GHR: variants seen among roughly 807,000 people sequenced by gnomAD.
GHR encodes the protein growth hormone receptor, also known as GH receptor.
GHR carries 35 observed loss-of-function variants against 67.1 expected under a neutral mutation model. The ratio of observed to expected loss-of-function variants is 0.52; its 90% CI spans 0.40 to 0.69. The LOEUF (loss-of-function observed/expected upper bound fraction) is 0.69. GHR is among the 30% of genes least tolerant of loss of function. GHR has a pLI of 0.00. For missense variants in GHR, 792 were observed against 764.6 expected, an observed-to-expected ratio of 1.04 and a Z score of -0.42; for synonymous variants, 272 against 269.1, an observed-to-expected ratio of 1.01 and a Z score of -0.10.
At chr5:42,474,317 G>GAAAGAAAGAAAGAAAGAA (rs1554054616) in intron 1 of GHR, among the ~76,000 whole-genome samples, 2 of 138,852 alleles carry the variant, frequency 1.4e-5, no homozygotes, top group Admixed American at 1.4e-4. Context: ...AAGAAAGAAA[G>GAAAGAAAGAAAGAAAGAA]AAAGAAAGAA....
chr5:42,539,621 T>A (rs1443040169), intron 1 of GHR, among the ~76,000 whole-genome samples: 1 of 152,218 alleles, frequency 6.6e-6, no homozygotes, highest in East Asian at 1.9e-4. Context: ...CCTCTCGGGA[T>A]TCCTGTTTCA....
intron 1 of GHR, among the ~76,000 whole-genome samples, chr5:42,444,640 T>C (rs1743729940): frequency 6.6e-6 from 1 of 152,182 alleles, no homozygotes; most frequent in African/African-American, 2.4e-5. Context: ...CAACCTATCT[T>C]TCCATGTGTA....
chr5:42,473,883 A>T (rs1257549730), intron 1 of GHR, among the ~76,000 whole-genome samples: 1 of 151,544 alleles, frequency 6.6e-6, no homozygotes, highest in African/African-American at 2.4e-5. Context: ...CAAAAAAAAA[A>T]AAAAAAAGAA....
intron 3 of GHR, among the ~76,000 whole-genome samples, chr5:42,657,285 G>GA (rs1755304395): frequency 6.6e-6 from 1 of 152,104 alleles, no homozygotes; most frequent in Admixed American, 6.6e-5. Context: ...TATCTAAAAT[G>GA]AAATGGTAGG....
chr5:42,709,384 C>CT (rs1223009026), intron 6 of GHR, among the ~76,000 whole-genome samples: 2 of 152,228 alleles, frequency 1.3e-5, no homozygotes, highest in Non-Finnish European at 2.9e-5. Flanking sequence ...CTCAGGTCAT[C>CT]TGCCAACCTC....
In GHR at chr5:42,562,104, C is replaced by T. The variant is rs376106705; in HGVS notation, c.-11-3760C>T. ...ATTAAAGTTCCAAACTTCATGTGTC[C>T]GCACTCTGACGTTTCCTAGGGACAT... On this transcript the variant is annotated intron_variant, in intron 1 of 9. Coordinates refer to ENST00000230882, the MANE Select transcript of GHR (RefSeq NM_000163.5). 3.9e-5 allele frequency among the ~76,000 whole-genome samples: 6 copies of T among 152,208 alleles called. No individual in the cohort carries two copies. In the East Asian group the frequency reaches 9.6e-4, roughly 24 times the overall value.
intron 1 of GHR, among the ~76,000 whole-genome samples, chr5:42,509,403 C>A (rs894839530): frequency 1.3e-5 from 2 of 152,194 alleles, no homozygotes; most frequent in African/African-American, 4.8e-5. Flanking sequence ...ACTTCTCATA[C>A]CCTAACTCTG....
intron 1 of GHR, among the ~76,000 whole-genome samples, chr5:42,462,503 A>C (rs1160213400): frequency 6.6e-6 from 1 of 152,236 alleles, no homozygotes; most frequent in Non-Finnish European, 1.5e-5. Flanking sequence ...CCACTTTGTC[A>C]TAATATGTAA....
chr5:42,610,666 GAAA>G (rs112288959), intron 2 of GHR, among the ~76,000 whole-genome samples: 1 of 142,820 alleles, frequency 7.0e-6, no homozygotes, highest in Non-Finnish European at 1.5e-5. Context: ...AATCCCAGTG[GAAA>G]AAAAAAAAGG....
intron 2 of GHR, among the ~76,000 whole-genome samples, chr5:42,623,334 G>T (rs78139434): frequency 1.3e-5 from 2 of 151,964 alleles, no homozygotes; most frequent in Admixed American, 1.3e-4. Flanking sequence ...ACTGTGAGGC[G>T]CTCCACCCCA....
intron 1 of GHR, chr5:42,466,002 C>A (rs765010762): frequency 3.4e-6 from 2 of 589,992 alleles, no homozygotes; most frequent in East Asian, 3.0e-5. Flanking sequence ...TGTCTTATTC[C>A]TTCTTCTTTT....
chr5:42,679,566 A>G (rs1444141447), intron 3 of GHR, among the ~76,000 whole-genome samples: 1 of 151,978 alleles, frequency 6.6e-6, no homozygotes, highest in East Asian at 1.9e-4. Flanking sequence ...TGGAGGTTGC[A>G]GTGAGCCGAG....
chr5:42,520,501 C>A (rs556165862), intron 1 of GHR, among the ~76,000 whole-genome samples: 1 of 152,246 alleles, frequency 6.6e-6, no homozygotes, highest in African/African-American at 2.4e-5. Context: ...TCTGTGCTTT[C>A]AGCCTTGAGA....
intron 2 of GHR, among the ~76,000 whole-genome samples, chr5:42,579,183 GATA>G (rs1751020507): frequency 6.7e-6 from 1 of 150,012 alleles, no homozygotes; most frequent in Non-Finnish European, 1.5e-5. Flanking sequence ...TAGATAGATA[GATA>G]GATAGATAGA....
intron 2 of GHR, among the ~76,000 whole-genome samples, chr5:42,578,308 C>A (rs1750877075): frequency 6.6e-6 from 1 of 152,084 alleles, no homozygotes; most frequent in Non-Finnish European, 1.5e-5. Flanking sequence ...TTGTGGGGAT[C>A]AAATTAGATA....
At chr5:42,444,359 A>G (rs1029898624) in intron 1 of GHR, among the ~76,000 whole-genome samples, 1 of 152,222 alleles carries the variant, frequency 6.6e-6, no homozygotes, top group African/African-American at 2.4e-5. Flanking sequence ...TGTGTAGTAA[A>G]AAGCCATGAG....
chr5:42,657,503 A>T (rs901157276), intron 3 of GHR, among the ~76,000 whole-genome samples: 5 of 152,146 alleles, frequency 3.3e-5, no homozygotes, highest in Non-Finnish European at 7.4e-5. Flanking sequence ...GAAAATGTGG[A>T]CCATGATTTT....
chr5:42,522,856 G>A (rs1747536103), intron 1 of GHR, among the ~76,000 whole-genome samples: 2 of 152,120 alleles, frequency 1.3e-5, no homozygotes. Flanking sequence ...GTTCAACAAA[G>A]GCCTCATGTA....
At chr5:42,572,637 G>A (rs566813412) in intron 2 of GHR, among the ~76,000 whole-genome samples, 1 of 152,080 alleles carries the variant, frequency 6.6e-6, no homozygotes, top group Non-Finnish European at 1.5e-5. Flanking sequence ...CTTGTCCCTT[G>A]TTCCCAGGAT....
Sources: allele counts gnomAD v4.1 joint callset (sites outside exome capture counted in the v4.1 genomes callset), GRCh38; gene constraint gnomAD v4.1.1; transcripts MANE v1.5; gene names NCBI Gene and HGNC (gene_info 2026-07-23, HGNC 2026-07-21).